CPVL: variants seen among roughly 807,000 people sequenced by gnomAD.
CPVL encodes carboxypeptidase vitellogenic like, also known as probable serine carboxypeptidase CPVL.
Under a neutral mutation model 63.7 loss-of-function variants are expected in CPVL, and 51 were observed. The ratio of observed to expected loss-of-function variants is 0.80; its 90% CI spans 0.64 to 1.01. CPVL has a LOEUF of 1.01. Among genes scored for constraint, CPVL ranks in the 50% least tolerant of loss-of-function variants. The pLI, the probability that CPVL is intolerant of heterozygous loss-of-function variation, is 0.00. For missense variants in CPVL, 530 were observed against 573.1 expected (o/e 0.92, Z 0.77); for synonymous variants, 195 against 206.0 (o/e 0.95, Z 0.46).
chr7:29,178,485 C>A (rs1584587036), intron 5 of CPVL, among the ~76,000 whole-genome samples: 1 of 152,104 alleles, frequency 6.6e-6, no homozygotes, highest in Non-Finnish European at 1.5e-5. Context: ...ATCTGCTGTT[C>A]CCTCCTCCAG....
At chr7:29,118,714 A>G (rs1789034600) in intron 2 of CPVL, among the ~76,000 whole-genome samples, 1 of 152,228 alleles carries the variant, frequency 6.6e-6, no homozygotes, top group South Asian at 2.1e-4. Flanking sequence ...TGAACGAATA[A>G]AACTTGCTTT....
At chr7:29,128,922 G>A (rs1174252457) in intron 1 of CPVL, among the ~76,000 whole-genome samples, 1 of 152,092 alleles carries the variant, frequency 6.6e-6, no homozygotes, top group East Asian at 1.9e-4. Context: ...CAGTCAATAG[G>A]GGAGGGAGTG....
intron 5 of CPVL, among the ~76,000 whole-genome samples, chr7:29,163,009 G>T (rs531490524): frequency 1.1e-3 from 160 of 152,272 alleles, no homozygotes; most frequent in Non-Finnish European, 1.8e-3. Flanking sequence ...GTAGTTAATT[G>T]TACCAATCAA....
At chr7:29,114,566 G>A (rs1383994196) in intron 2 of CPVL, among the ~76,000 whole-genome samples, 1 of 151,906 alleles carries the variant, frequency 6.6e-6, no homozygotes, top group Non-Finnish European at 1.5e-5. Flanking sequence ...GGAGGTCAAG[G>A]CTGCAGTGAG....
At chr7:29,004,120 G>A (rs144404313) in intron 12 of CPVL, among the ~76,000 whole-genome samples, 60 of 152,282 alleles carry the variant, frequency 3.9e-4, no homozygotes, top group African/African-American at 1.4e-3. Flanking sequence ...AAACATAAAG[G>A]ATAGATAAAA....
intron 12 of CPVL, among the ~76,000 whole-genome samples, chr7:29,024,739 C>G (rs1787325907): frequency 6.6e-6 from 1 of 152,162 alleles, no homozygotes; most frequent in Non-Finnish European, 1.5e-5. Flanking sequence ...ACTATACCCA[C>G]AAAGCCATCC....
chr7:29,000,408 T>TGTGGAAATGCAGGAGGC (rs550911535), intron 12 of CPVL, among the ~76,000 whole-genome samples: 1,559 of 150,448 alleles, frequency 0.01, 41 homozygotes, highest in African/African-American at 0.036. Context: ...GGAAACTGTG[T>TGTGGAAATGCAGGAGGC]GTGGAAATGC....
intron 7 of CPVL, among the ~76,000 whole-genome samples, chr7:29,079,140 A>G (rs1218367954): frequency 6.6e-6 from 1 of 152,226 alleles, no homozygotes; most frequent in Non-Finnish European, 1.5e-5. Flanking sequence ...AAAGACAGAG[A>G]CATTCAAGAA....
At chr7:29,085,449 T>C (rs532200327) in intron 7 of CPVL, among the ~76,000 whole-genome samples, 2 of 152,188 alleles carry the variant, frequency 1.3e-5, no homozygotes, top group South Asian at 4.2e-4. Context: ...ATGTAAGTAA[T>C]AGGAGGAAAA....
At chr7:29,156,532 G>A (rs1490761788) in intron 5 of CPVL, among the ~76,000 whole-genome samples, 1 of 152,062 alleles carries the variant, frequency 6.6e-6, no homozygotes, top group Non-Finnish European at 1.5e-5. Flanking sequence ...CCTTTTATTG[G>A]GGCTGAAATT....
intron 6 of CPVL, among the ~76,000 whole-genome samples, chr7:29,090,024 A>G (rs534619263): frequency 4.6e-5 from 7 of 152,096 alleles, no homozygotes; most frequent in South Asian, 4.2e-4. Context: ...CACCAAGCCC[A>G]GCTAATTTTT....
intron 5 of CPVL, among the ~76,000 whole-genome samples, chr7:29,173,211 C>T (rs1796842661): frequency 1.3e-5 from 2 of 151,330 alleles, no homozygotes; most frequent in Non-Finnish European, 2.9e-5. Flanking sequence ...ATAGGAAAGT[C>T]AAGGAAATCT....
chr7:29,195,193 G>A (rs1172751424), exon 1 of CPVL: 10 of 499,418 alleles, frequency 2.0e-5, no homozygotes, highest in Non-Finnish European at 1.4e-5. Context: ...TGACAGCGCA[G>A]AGGTGGGAGA....
chr7:29,041,608 TAACA>T (rs1297449268), intron 11 of CPVL, among the ~76,000 whole-genome samples: 1 of 151,994 alleles, frequency 6.6e-6, no homozygotes, highest in Admixed American at 6.6e-5. Context: ...TATATTTAAT[TAACA>T]AACACACATT....
intron 5 of CPVL, among the ~76,000 whole-genome samples, chr7:29,162,268 A>G (rs1795279950): frequency 6.6e-6 from 1 of 152,246 alleles, no homozygotes; most frequent in African/African-American, 2.4e-5. Context: ...ATGCTCTTCA[A>G]AAGGTGAATA....
chr7:29,097,310 G>A (rs115442901), intron 3 of CPVL, among the ~76,000 whole-genome samples: 67 of 152,316 alleles, frequency 4.4e-4, no homozygotes, highest in African/African-American at 1.3e-3. Context: ...GCATAGCGCC[G>A]GGAGCTAAGT....
rs1258091791 is a variant in CPVL at position 29,066,149 on chromosome 7, G to A, written c.865-28C>T. 1.7e-6 allele frequency: 2 copies of A among 1,156,714 alleles called. 1 individual carries two copies. The allele number at this position is 1,156,714 out of a possible 1,614,324, so 71.7% of individuals were successfully genotyped here. ...AGGTTGGGAGAGAGGGAGAAAGAAAGAAAGAAAGAAAACATCAGTGTGGAT... is the reference window on the plus strand; with the variant it reads ...AGGTTGGGAGAGAGGGAGAAAGAAAAAAAGAAAGAAAACATCAGTGTGGAT... On this transcript the variant is annotated intron_variant, in intron 9 of 12. Transcript: ENST00000265394.
chr7:29,100,471 ATCTC>A (rs1400554562), intron 3 of CPVL, among the ~76,000 whole-genome samples: 1 of 151,982 alleles, frequency 6.6e-6, no homozygotes, highest in Non-Finnish European at 1.5e-5. Context: ...CCCTCTAAAT[ATCTC>A]AGGCCTCTGG....
intron 1 of CPVL, among the ~76,000 whole-genome samples, chr7:29,189,713 T>C (rs1007013257): frequency 6.6e-6 from 1 of 151,158 alleles, no homozygotes; most frequent in African/African-American, 2.4e-5. Context: ...CTTCTCCCTC[T>C]CTGTCTTTCC....
Sources: gnomAD v4.1 joint callset for allele counts (sites outside exome capture counted in the v4.1 genomes callset) on GRCh38, gnomAD v4.1.1 for gene constraint, MANE v1.5 for transcripts, NCBI Gene and HGNC (gene_info 2026-07-23, HGNC 2026-07-21) for gene names.